The following STK39 variants were observed in gnomAD, a reference collection of about 807,000 sequenced individuals.
STK39 encodes the protein serine/threonine kinase 39, also known as STE20/SPS1-related proline-alanine-rich protein kinase.
In STK39, 20 loss-of-function variants were observed where a neutral mutation model predicts 77.8. The observed-to-expected ratio is 0.26, with a 90% CI of 0.18 to 0.37. STK39 has a LOEUF of 0.37. Among genes scored for constraint, STK39 ranks in the 10% least tolerant of loss-of-function variants. The pLI, the probability that STK39 is intolerant of heterozygous loss-of-function variation, is 1.00. For missense variants in STK39, 479 were observed against 656.5 expected, an observed-to-expected ratio of 0.73 and a Z score of 2.95; for synonymous variants, 246 against 234.1, an observed-to-expected ratio of 1.05 and a Z score of -0.47.
At chr2:168,016,098 T>C (rs1299150456) in intron 15 of STK39, among the ~76,000 whole-genome samples, 1 of 152,118 alleles carries the variant, frequency 6.6e-6, no homozygotes, top group Non-Finnish European at 1.5e-5. Flanking sequence ...CGGCTAGTTT[T>C]TGTATTTTTA....
At chr2:168,000,447 C>T (rs1683971114) in intron 16 of STK39, among the ~76,000 whole-genome samples, 1 of 152,194 alleles carries the variant, frequency 6.6e-6, no homozygotes, top group Non-Finnish European at 1.5e-5. Context: ...TAACCGATAG[C>T]ATTTTTATGC....
intron 17 of STK39, among the ~76,000 whole-genome samples, chr2:167,956,294 C>G (rs1276744997): frequency 6.6e-6 from 1 of 152,210 alleles, no homozygotes; most frequent in Non-Finnish European, 1.5e-5. Context: ...CATGGCGGCT[C>G]ACGCCTGTAA....
intron 5 of STK39, among the ~76,000 whole-genome samples, chr2:168,148,886 G>A (rs927204784): frequency 6.6e-6 from 1 of 152,172 alleles, no homozygotes; most frequent in Admixed American, 6.5e-5. Flanking sequence ...CTTTAAAATT[G>A]AACAGGCCTG....
At chr2:168,183,497 T>C (rs2105634211) in intron 1 of STK39, among the ~76,000 whole-genome samples, 1 of 152,308 alleles carries the variant, frequency 6.6e-6, no homozygotes, top group South Asian at 2.1e-4. Context: ...GCATCACGCC[T>C]GCCAGACTCC....
chr2:168,146,537 G>A (rs994754645), intron 5 of STK39, among the ~76,000 whole-genome samples: 4 of 152,144 alleles, frequency 2.6e-5, no homozygotes, highest in African/African-American at 9.7e-5. Context: ...AGCTTCAGGG[G>A]ACCCTGAGAG....
intron 14 of STK39, among the ~76,000 whole-genome samples, chr2:168,030,223 G>C (rs751898409): frequency 8.5e-5 from 13 of 152,132 alleles, no homozygotes; most frequent in Non-Finnish European, 1.5e-4. Context: ...CTGTGTGACA[G>C]AGCGAGACTC....
intron 1 of STK39, among the ~76,000 whole-genome samples, chr2:168,226,983 G>A (rs1228981298): frequency 6.6e-6 from 1 of 152,120 alleles, no homozygotes; most frequent in Non-Finnish European, 1.5e-5. Context: ...AAAGGAGGTG[G>A]ATCTCTGAGA....
Position 168,247,338 on chromosome 2 carries a change from G to A in STK39, c.98C>T (p.Ala33Val). The change falls in exon 1 of 18, where the codon GCA becomes GTA. Residue 33 changes from alanine to valine, a missense_variant. By Grantham distance (64) the Ala-to-Val change is moderately conservative (BLOSUM62 0). This residue lies in a region of STK39 where 96 missense variants were observed against 79.1 expected (regional missense o/e 1.21). Coordinates refer to ENST00000355999, the MANE Select transcript of STK39 (RefSeq NM_013233.3). ...AAAAAPAAAT[A>V]APAPAAPAAP... Reference sequence around the variant, plus strand: ...CGCGGGAGCTGCCGGGGCCGGCGCTGCTGTCGCGGCCGCCGGGGCCGCCGC... The same window carrying A: ...CGCGGGAGCTGCCGGGGCCGGCGCTACTGTCGCGGCCGCCGGGGCCGCCGC... 9.6e-7 allele frequency: 1 copy of A among 1,042,754 alleles called. No homozygotes were observed. Among genetic ancestry groups the A allele is most frequent in the African/African-American group, 1.7e-5 (1 of 58,530 alleles). The allele number at this position is 1,042,754 out of a possible 1,614,324, so 64.6% of individuals were successfully genotyped here. A position where few individuals can be genotyped will look rare whatever the true frequency, so the allele number is the denominator to read the frequency against.
intron 1 of STK39, among the ~76,000 whole-genome samples, chr2:168,233,764 TCATAA>T (rs904584378): frequency 1.9e-4 from 29 of 152,328 alleles, no homozygotes; most frequent in African/African-American, 2.6e-4. Context: ...AGTCCCTTCT[TCATAA>T]CATAAGACAA....
intron 16 of STK39, among the ~76,000 whole-genome samples, chr2:167,990,838 A>G (rs773987391): frequency 2.0e-5 from 3 of 152,192 alleles, no homozygotes; most frequent in Non-Finnish European, 4.4e-5. Flanking sequence ...TCCTGCGTAC[A>G]TGGAGCTTAG....
intron 10 of STK39, among the ~76,000 whole-genome samples, chr2:168,089,133 C>T (rs754618774): frequency 3.9e-5 from 6 of 152,138 alleles, no homozygotes; most frequent in Non-Finnish European, 4.4e-5. Flanking sequence ...GTGAGGAAGA[C>T]GGAGTGGGGC....
At chr2:168,003,586 G>T (rs1684053797) in intron 16 of STK39, among the ~76,000 whole-genome samples, 1 of 152,070 alleles carries the variant, frequency 6.6e-6, no homozygotes, top group African/African-American at 2.4e-5. Context: ...TATCTAACAG[G>T]TCAACATTTA....
At chr2:168,021,612 T>C (rs1684573862) in intron 14 of STK39, among the ~76,000 whole-genome samples, 1 of 152,154 alleles carries the variant, frequency 6.6e-6, no homozygotes, top group Non-Finnish European at 1.5e-5. Context: ...AGCAACTTTA[T>C]AGAGGAAATG....
At chr2:168,159,163 T>C (rs1517342) in intron 5 of STK39, among the ~76,000 whole-genome samples, 75,565 of 152,010 alleles carry the variant, frequency 0.5, 18,981 homozygotes, top group East Asian at 0.63. Flanking sequence ...GGGCAATGTA[T>C]ATTACACTCA....
intron 10 of STK39, among the ~76,000 whole-genome samples, chr2:168,116,203 T>A (rs184186222): frequency 9.8e-4 from 149 of 152,226 alleles, no homozygotes; most frequent in Middle Eastern, 6.8e-3. Context: ...AGCCCACCCC[T>A]CACCCAAAAC....
intron 16 of STK39, among the ~76,000 whole-genome samples, chr2:167,981,721 C>A (rs1683424558): frequency 1.3e-5 from 2 of 152,148 alleles, no homozygotes; most frequent in Admixed American, 6.5e-5. Context: ...TTACTTTGTA[C>A]CTCCAGCTTC....
intron 1 of STK39, chr2:168,231,831 G>A (rs545303110): frequency 4.5e-6 from 1 of 223,660 alleles, no homozygotes; most frequent in African/African-American, 2.3e-5. Context: ...TGATGCTCTG[G>A]GCTCCGCTCC....
chr2:167,975,678 G>A (rs935471328), intron 16 of STK39, among the ~76,000 whole-genome samples: 1 of 152,216 alleles, frequency 6.6e-6, no homozygotes, highest in African/African-American at 2.4e-5. Flanking sequence ...GCCGGGCGTG[G>A]TGGTGGGTTC....
intron 1 of STK39, among the ~76,000 whole-genome samples, chr2:168,200,207 G>T (rs1312652484): frequency 6.6e-6 from 1 of 152,116 alleles, no homozygotes; most frequent in African/African-American, 2.4e-5. Flanking sequence ...AGTGGGAAAG[G>T]CTACAAGTGA....
Sources: gnomAD v4.1 joint callset for allele counts (sites outside exome capture counted in the v4.1 genomes callset) on GRCh38, gnomAD v4.1.1 for gene constraint, gnomAD v4.1.1 regional missense constraint, MANE v1.5 for transcripts, NCBI Gene and HGNC (gene_info 2026-07-23, HGNC 2026-07-21) for gene names.